PTK2: variants seen among roughly 807,000 people sequenced by gnomAD.
PTK2 encodes focal adhesion kinase 1.
A neutral mutation model predicts 150.1 loss-of-function variants in PTK2; 45 were observed. The ratio of observed to expected loss-of-function variants is 0.30; its 90% confidence interval spans 0.24 to 0.38. PTK2 has a LOEUF of 0.38. Ranked by LOEUF, PTK2 falls within the 10% of genes least tolerant of loss-of-function variation. The pLI is 1.00. For missense variants in PTK2, 919 were observed against 1,307.3 expected, an observed-to-expected ratio of 0.70 and a Z score of 4.58; for synonymous variants, 432 against 449.2, an observed-to-expected ratio of 0.96 and a Z score of 0.48.
At chr8:140,878,547 T>C (rs2100147027) in intron 4 of PTK2, among the ~76,000 whole-genome samples, 1 of 152,046 alleles carries the variant, frequency 6.6e-6, no homozygotes, top group African/African-American at 2.4e-5. Context: ...TGAGCCATGT[T>C]CATGCCACCG....
At chr8:140,969,228 A>C (rs1327422306) in intron 1 of PTK2, among the ~76,000 whole-genome samples, 1 of 152,206 alleles carries the variant, frequency 6.6e-6, no homozygotes, top group Non-Finnish European at 1.5e-5. Context: ...TCGGGGATAC[A>C]ATCCAAACTT....
intron 2 of PTK2, among the ~76,000 whole-genome samples, chr8:140,893,269 CCA>C (rs1187109306): frequency 2.0e-5 from 3 of 152,090 alleles, no homozygotes; most frequent in African/African-American, 7.3e-5. Context: ...TGTGATCATG[CCA>C]TTGTACTCCA....
rs1319042029 is a variant in PTK2, at chr8:140,939,133, A to G, written c.-121-13384T>C. On this transcript the variant is annotated intron_variant, in intron 1 of 31. Transcript: ENST00000522684. ...AGGATACATCTTCTTCAACAGTCTGAACAATCTTCCAGATGCATACACAAT... is the reference window on the plus strand; with the variant it reads ...AGGATACATCTTCTTCAACAGTCTGGACAATCTTCCAGATGCATACACAAT... 2.6e-5 allele frequency among the ~76,000 whole-genome samples: 4 copies of G among 152,222 alleles called. No homozygotes were observed. In the East Asian group the frequency reaches 7.7e-4, roughly 29 times the overall value.
chr8:140,968,933 G>A (rs1471795138), intron 1 of PTK2, among the ~76,000 whole-genome samples: 1 of 152,210 alleles, frequency 6.6e-6, no homozygotes, highest in African/African-American at 2.4e-5. Context: ...AAAATCATTT[G>A]AGCATCATGG....
chr8:140,696,310 T>C (rs1395535865), intron 26 of PTK2, among the ~76,000 whole-genome samples: 2 of 152,228 alleles, frequency 1.3e-5, no homozygotes, highest in African/African-American at 2.4e-5. Context: ...GTCACAGTTG[T>C]TGCCCTTAAG....
At chr8:140,751,886 G>C in intron 17 of PTK2, 1 of 528,590 alleles carries the variant, frequency 1.9e-6, no homozygotes. Context: ...GGCAGGGACT[G>C]TGTGTGTCAT....
intron 2 of PTK2, among the ~76,000 whole-genome samples, chr8:140,914,090 TAAAAA>T (rs1265855655): frequency 6.6e-6 from 1 of 152,086 alleles, no homozygotes; most frequent in Non-Finnish European, 1.5e-5. Context: ...TAATATAAAA[TAAAAA>T]TACAAATGTA....
At position 140,761,397 on chromosome 8, in the gene PTK2, C is replaced by G. The variant is rs138669973; in HGVS notation, c.1235-135G>C. ...TCAATCTATGAAAATGCTTTAAACA[C>G]AGTGGAATTCTCTTAAACAATATTT... On this transcript the variant is annotated intron_variant, in intron 15 of 31. Transcript: ENST00000522684. 191 of 758,228 alleles carry G rather than the reference C, an allele frequency of 2.5e-4. No individual in the cohort carries two copies. In the East Asian group the frequency reaches 3.3e-3, roughly 13 times the overall value. The allele number at this position is 758,228 out of a possible 1,614,324, so 47.0% of individuals were successfully genotyped here.
At chr8:140,704,472 T>C (rs553366629) in intron 24 of PTK2, among the ~76,000 whole-genome samples, 1 of 151,902 alleles carries the variant, frequency 6.6e-6, no homozygotes, top group Non-Finnish European at 1.5e-5. Flanking sequence ...CGTACTAGAG[T>C]TTCAAATCTT....
At position 140,977,286 on chromosome 8, in the gene PTK2, A is replaced by G. The variant is rs186853128; in HGVS notation, c.-122+23839T>C. 2.4e-3 allele frequency among the ~76,000 whole-genome samples: 369 copies of G among 152,242 alleles called. 2 individuals are homozygous for G. Among genetic ancestry groups the G allele is most frequent in the African/African-American group, 8.5e-3 (354 of 41,526 alleles). ...GTACACCTGCTAGTCCCAGAAACTC[A>G]GAAGGCTGAAGCAGGAGGATCGCTT... On this transcript the variant is annotated intron_variant, in intron 1 of 31. Transcript: ENST00000522684.
chr8:140,917,338 CCAGGAAAGGA>C lies in PTK2; in HGVS notation c.-33+8313_-33+8322del, dbSNP rs540861325. Among the ~76,000 whole-genome samples the C allele has an allele frequency of 2.6e-4, 39 of 151,348 alleles. No homozygotes were observed. In the East Asian group the frequency reaches 5.9e-3, roughly 23 times the overall value. On this transcript the variant is annotated intron_variant, in intron 2 of 31. Coordinates refer to ENST00000522684, the Ensembl canonical transcript of PTK2. ...GCCTGGGCGACAGAGCAAGACTCTGCCAGGAAAGGACAGGAAAGGACAGGAGAGGGGAGGG... is the reference window on the plus strand; with the variant it reads ...GCCTGGGCGACAGAGCAAGACTCTGCCAGGAAAGGACAGGAGAGGGGAGGG...
chr8:140,966,469 G>T (rs1053910793), intron 1 of PTK2, among the ~76,000 whole-genome samples: 5 of 151,828 alleles, frequency 3.3e-5, no homozygotes, highest in African/African-American at 1.2e-4. Flanking sequence ...GTTGAATCCT[G>T]TTTTAGCAAC....
intron 10 of PTK2, among the ~76,000 whole-genome samples, chr8:140,813,787 G>C (rs1307849791): frequency 6.6e-6 from 1 of 151,778 alleles, no homozygotes; most frequent in Non-Finnish European, 1.5e-5. Context: ...ACTAGAAGAA[G>C]AAAAGAACTA....
chr8:140,927,973 A>ATAT lies in PTK2; in HGVS notation c.-121-2225_-121-2224insATA, dbSNP rs1257108435. Among the ~76,000 whole-genome samples the ATAT allele has an allele frequency of 8.7e-3, 636 of 72,718 alleles. 3 individuals are homozygous for ATAT. The highest frequency in any genetic ancestry group is 0.023 in the African/African-American group (397 of 16,928). The allele number at this position is 72,718 out of a possible 152,430, so 47.7% of individuals were successfully genotyped here. ...AAAAAAAAAAGAAAAAAAAAAAAAAAAAATATATATATATATATATGTATA... is the reference window on the plus strand; with the variant it reads ...AAAAAAAAAAGAAAAAAAAAAAAAAATATAAATATATATATATATATATGTATA... On this transcript the variant is annotated intron_variant, in intron 1 of 31. Transcript: ENST00000522684.
intron 30 of PTK2, 137 bp from the exon 35 acceptor site, chr8:140,665,134 A>G (rs1390925058): frequency 1.4e-6 from 1 of 739,980 alleles, no homozygotes; most frequent in Non-Finnish European, 2.2e-6. Context: ...GCTTAGCCCT[A>G]TCTTGTAAGT....
chr8:140,725,885 G>A (rs1250338446), intron 22 of PTK2, among the ~76,000 whole-genome samples: 1 of 148,576 alleles, frequency 6.7e-6, no homozygotes. Context: ...CCATTCTCAA[G>A]AGGAAAAAAA....
intron 27 of PTK2, among the ~76,000 whole-genome samples, chr8:140,678,048 G>A (rs1279088103): frequency 6.6e-6 from 1 of 152,134 alleles, no homozygotes; most frequent in Non-Finnish European, 1.5e-5. Context: ...TTTGGTATTG[G>A]TTGATTGATT....
intron 18 of PTK2, among the ~76,000 whole-genome samples, chr8:140,745,437 A>T (rs1310981980): frequency 2.0e-5 from 3 of 152,228 alleles, no homozygotes; most frequent in Non-Finnish European, 4.4e-5. Flanking sequence ...TTTGAGCCGG[A>T]AGAATTAGCA....
chr8:140,938,871 G>T lies in PTK2; in HGVS notation c.-121-13122C>A, dbSNP rs1405704369. Among the ~76,000 whole-genome samples, 7 of 152,270 alleles carry T rather than the reference G, an allele frequency of 4.6e-5. No homozygotes were observed. The East Asian group carries it at 7.7e-4, about 17-fold the overall frequency. On this transcript the variant is annotated intron_variant, in intron 1 of 31. Transcript: ENST00000522684. ...TAATCAAAATATTTTACCTAGGTGT[G>T]GTGGTGCATGCCTGTAATGTCAACT...
Sources: allele counts gnomAD v4.1 joint callset (sites outside exome capture counted in the v4.1 genomes callset), GRCh38; gene constraint gnomAD v4.1.1; transcripts MANE v1.5; gene names NCBI Gene and HGNC (gene_info 2026-07-23, HGNC 2026-07-21).